The following BBS9 variants were observed in gnomAD, a reference collection of about 807,000 sequenced individuals.
The protein encoded by BBS9 is protein PTHB1.
A neutral mutation model predicts 117.7 loss-of-function variants in BBS9; 89 were observed. That is an observed-to-expected ratio of 0.76 (90% CI 0.64 to 0.90). BBS9 has a LOEUF of 0.90. Ranked by LOEUF, BBS9 falls within the 40% of genes least tolerant of loss-of-function variation. The probability of loss-of-function intolerance (pLI) is 0.00; values close to 1 mark genes in which losing one functional copy is unlikely to be tolerated. For missense variants in BBS9, 982 were observed against 1,042.2 expected (o/e 0.94, Z 0.80); for synonymous variants, 379 against 370.9 (o/e 1.02, Z -0.25).
At chr7:33,433,138 A>G (rs1415749365) in intron 19 of BBS9, among the ~76,000 whole-genome samples, 2 of 152,154 alleles carry the variant, frequency 1.3e-5, no homozygotes, top group Non-Finnish European at 2.9e-5. Context: ...ACTCTTTTAT[A>G]TATTTTATTT....
intron 19 of BBS9, among the ~76,000 whole-genome samples, chr7:33,461,189 A>G (rs1483371181): frequency 2.0e-5 from 3 of 151,996 alleles, no homozygotes; most frequent in Non-Finnish European, 4.4e-5. Context: ...TAGAGCTGCT[A>G]TGAACATGTG....
At chr7:33,487,063 T>C (rs1242348262) in intron 19 of BBS9, among the ~76,000 whole-genome samples, 1 of 152,192 alleles carries the variant, frequency 6.6e-6, no homozygotes, top group Admixed American at 6.5e-5. Context: ...AAGCAAAAAT[T>C]CTTTCTATAA....
chr7:33,419,241 G>A (rs550093851), intron 19 of BBS9, among the ~76,000 whole-genome samples: 1 of 152,166 alleles, frequency 6.6e-6, no homozygotes, highest in Non-Finnish European at 1.5e-5. Context: ...GCTAGTTAAT[G>A]AAAATATCTG....
intron 5 of BBS9, among the ~76,000 whole-genome samples, chr7:33,218,104 A>G (rs1282095137): frequency 6.6e-6 from 1 of 152,252 alleles, no homozygotes; most frequent in African/African-American, 2.4e-5. Flanking sequence ...TAGACATTAC[A>G]GAGAAGGATA....
intron 19 of BBS9, among the ~76,000 whole-genome samples, chr7:33,464,473 T>C (rs1563210638): frequency 6.6e-6 from 1 of 151,984 alleles, no homozygotes; most frequent in Non-Finnish European, 1.5e-5. Context: ...TGTAAAGACT[T>C]TTGGGGAGGG....
chr7:33,264,300 C>A lies in BBS9; in HGVS notation c.628C>A (p.Leu210Ile), dbSNP rs774509877. The A allele has an allele frequency of 3.2e-6, 5 of 1,546,558 alleles. No homozygotes were observed. The Admixed American group carries it at 8.9e-5, about 28-fold the overall frequency. Residue 210 changes from leucine (L) to isoleucine (I), a missense_variant, in exon 7 of 23, where the codon CTT becomes ATT. Leu to Ile is a conservative substitution (Grantham distance 5, BLOSUM62 2). Transcript: ENST00000242067. ...ATTTCTTTCATACAGGTACCAGGTA[C>A]TTGCTTTTGCAACAGATGCAGATAA... ...QQVESYKYQV[L>I]AFATDADKRQ...
intron 5 of BBS9, among the ~76,000 whole-genome samples, chr7:33,232,604 A>G (rs999843581): frequency 1.3e-5 from 2 of 152,116 alleles, no homozygotes; most frequent in African/African-American, 4.8e-5. Flanking sequence ...AATAATTGTG[A>G]TAACATGTAC....
intron 18 of BBS9, among the ~76,000 whole-genome samples, chr7:33,387,431 T>C (rs1324989266): frequency 2.6e-5 from 4 of 152,204 alleles, no homozygotes; most frequent in Non-Finnish European, 4.4e-5. Flanking sequence ...TAGTTATTGC[T>C]GTTATTTTTT....
chr7:33,169,808 T>C (rs1231970407), intron 4 of BBS9, among the ~76,000 whole-genome samples: 1 of 151,266 alleles, frequency 6.6e-6, no homozygotes, highest in Non-Finnish European at 1.5e-5. Context: ...AGAAGCTCTT[T>C]AGTTTAATTA....
intron 9 of BBS9, among the ~76,000 whole-genome samples, chr7:33,331,536 T>C (rs1814041329): frequency 6.6e-6 from 1 of 151,968 alleles, no homozygotes. Context: ...TCCAAAAAGC[T>C]CTTAGATCAA....
At chr7:33,143,369 T>A (rs1791825165) in intron 1 of BBS9, among the ~76,000 whole-genome samples, 1 of 152,164 alleles carries the variant, frequency 6.6e-6, no homozygotes, top group Non-Finnish European at 1.5e-5. Flanking sequence ...TTTCTCCATG[T>A]CCTTGCCAAC....
At chr7:33,496,226 C>T (rs1426048328) in intron 19 of BBS9, among the ~76,000 whole-genome samples, 9 of 152,114 alleles carry the variant, frequency 5.9e-5, no homozygotes, top group Non-Finnish European at 1.2e-4. Context: ...GTATTCTGGG[C>T]CAGGCGTGGT....
At chr7:33,514,020 A>G (rs1236037763) in intron 20 of BBS9, among the ~76,000 whole-genome samples, 1 of 152,382 alleles carries the variant, frequency 6.6e-6, no homozygotes, top group East Asian at 1.9e-4. Flanking sequence ...ATTTGGTACC[A>G]TAATGTTTAC....
At chr7:33,155,166 C>T (rs1438388750) in intron 3 of BBS9, among the ~76,000 whole-genome samples, 1 of 152,206 alleles carries the variant, frequency 6.6e-6, no homozygotes, top group East Asian at 1.9e-4. Context: ...ATATATGCTA[C>T]TTGTAATAAT....
intron 19 of BBS9, among the ~76,000 whole-genome samples, chr7:33,486,020 T>C (rs759884398): frequency 2.0e-5 from 3 of 152,174 alleles, no homozygotes; most frequent in Non-Finnish European, 2.9e-5. Context: ...AATTAATCTT[T>C]CGTGTGTTCT....
At chr7:33,195,117 T>A (rs568899228) in intron 5 of BBS9, among the ~76,000 whole-genome samples, 2 of 152,286 alleles carry the variant, frequency 1.3e-5, no homozygotes, top group East Asian at 3.9e-4. Flanking sequence ...GAGAAAGGAA[T>A]GAGAGGGAGG....
At chr7:33,450,897 TTTTGTTTG>T (rs1413172196) in intron 19 of BBS9, among the ~76,000 whole-genome samples, 1 of 151,534 alleles carries the variant, frequency 6.6e-6, no homozygotes, top group African/African-American at 2.4e-5. Context: ...TTTTTTGTTT[TTTTGTTTG>T]TGAGATGGAG....
intron 21 of BBS9, among the ~76,000 whole-genome samples, chr7:33,576,631 G>A (rs1249108511): frequency 6.6e-6 from 1 of 152,094 alleles, no homozygotes; most frequent in East Asian, 1.9e-4. Flanking sequence ...AAAGCTGGAG[G>A]CATCACGCTA....
Position 33,445,523 on chromosome 7 carries a change from C to A in BBS9, c.2115+57379C>A, listed in dbSNP as rs964389161. ...AAATTTTATAATAAGACCTCAGTGA[C>A]CAGATTGAGAAATTGAGGTATAAAA... is the stretch of plus-strand genomic sequence containing the variant. On this transcript the variant is annotated intron_variant, in intron 19 of 22. Coordinates refer to ENST00000242067, the MANE Select transcript of BBS9 (RefSeq NM_198428.3). Among the ~76,000 whole-genome samples the A allele has an allele frequency of 8.5e-5, 13 of 152,116 alleles. 1 individual carries two copies. In the South Asian group the frequency reaches 2.3e-3, roughly 27 times the overall value.
Sources: allele counts gnomAD v4.1 joint callset (sites outside exome capture counted in the v4.1 genomes callset), GRCh38; gene constraint gnomAD v4.1.1; transcripts MANE v1.5; gene names NCBI Gene and HGNC (gene_info 2026-07-23, HGNC 2026-07-21).